ARMCX4: variants seen among roughly 807,000 people sequenced by gnomAD.
The protein encoded by ARMCX4 is armadillo repeat-containing X-linked protein 4.
Under a neutral mutation model 34.7 loss-of-function variants are expected in ARMCX4, and 3 were observed. The observed-to-expected ratio is 0.09, with a 90% CI of 0.04 to 0.22. ARMCX4 has a LOEUF of 0.22. Ranked by LOEUF, ARMCX4 falls within the 10% of genes least tolerant of loss-of-function variation. The pLI is 1.00. For synonymous variants in ARMCX4, 513 were observed against 632.8 expected, an observed-to-expected ratio of 0.81 and a Z score of 2.84; for missense variants, 1,448 against 1,720.8, an observed-to-expected ratio of 0.84 and a Z score of 2.81.
intron 7 of ARMCX4, among the ~76,000 whole-genome samples, chrX:101,504,439 GT>G (rs1556014616): frequency 5.4e-5 from 6 of 110,216 alleles, no homozygotes; most frequent in African/African-American, 2.0e-4. Context: ...AAGTTTGTGT[GT>G]GTGTGTGTGT....
chrX:101,422,907 T>G (rs781839948), intron 2 of ARMCX4, among the ~76,000 whole-genome samples: 1 of 111,223 alleles, frequency 9.0e-6, no homozygotes, highest in South Asian at 3.8e-4. Context: ...ATTTTTATTT[T>G]ATTTATATAT....
intron 4 of ARMCX4, among the ~76,000 whole-genome samples, chrX:101,478,837 A>G (rs1446147966): frequency 8.9e-6 from 1 of 111,878 alleles, no homozygotes; most frequent in Non-Finnish European, 1.9e-5. Flanking sequence ...TAAATTATAA[A>G]TAGAGTGAAA....
downstream of ARMCX4, among the ~76,000 whole-genome samples, chrX:101,448,088 T>C (rs1931755680): frequency 8.9e-6 from 1 of 111,748 alleles, no homozygotes; most frequent in African/African-American, 3.3e-5. Flanking sequence ...AGTGAGAACA[T>C]GCGATATTTG....
chrX:101,443,130 CA>C (rs141804967), intron 2 of ARMCX4, among the ~76,000 whole-genome samples: 279 of 49,725 alleles, frequency 5.6e-3, no homozygotes, highest in African/African-American at 0.017. Flanking sequence ...GACTCCGTCT[CA>C]AAAAAAAAAA....
chrX:101,475,386 G>A (rs782009691), intron 4 of ARMCX4, among the ~76,000 whole-genome samples: 2 of 111,187 alleles, frequency 1.8e-5, no homozygotes, highest in East Asian at 5.6e-4. Context: ...CAAAAGTTGG[G>A]GGGGTGTAAT....
intron 7 of ARMCX4, among the ~76,000 whole-genome samples, chrX:101,502,510 G>A (rs2147689891): frequency 8.9e-6 from 1 of 111,793 alleles, no homozygotes; most frequent in Admixed American, 9.5e-5. Context: ...AAAGTGCTGG[G>A]ATTAGAGGCA....
chrX:101,431,828 C>A (rs782804683), intron 2 of ARMCX4, among the ~76,000 whole-genome samples: 1 of 112,532 alleles, frequency 8.9e-6, no homozygotes, highest in African/African-American at 3.2e-5. Flanking sequence ...TAGGCGTGAG[C>A]CACCACGCCT....
intron 4 of ARMCX4, among the ~76,000 whole-genome samples, chrX:101,478,507 G>A (rs1016229671): frequency 2.7e-5 from 3 of 111,841 alleles, no homozygotes; most frequent in Non-Finnish European, 3.8e-5. Flanking sequence ...TTCCAATGAC[G>A]TAAACTTCAA....
chrX:101,527,758 A>G (rs782358640), intron 11 of ARMCX4, among the ~76,000 whole-genome samples: 28 of 111,932 alleles, frequency 2.5e-4, no homozygotes, highest in African/African-American at 7.8e-4. Context: ...CTCGACACAT[A>G]CACCCTTCCA....
intron 11 of ARMCX4, among the ~76,000 whole-genome samples, chrX:101,517,875 A>G (rs1367121373): frequency 2.7e-5 from 3 of 111,489 alleles, no homozygotes; most frequent in African/African-American, 9.8e-5. Flanking sequence ...GAAATAATAG[A>G]AAGAAATTTC....
At position 101,495,518 on chromosome X, in the gene ARMCX4, G is replaced by A; in HGVS notation, c.*56G>A. On this transcript the variant is annotated 3_prime_UTR_variant, in exon 6 of 6. Coordinates refer to ENST00000423738, the MANE Select transcript of ARMCX4 (RefSeq NM_001256155.3). The stretch of plus-strand genomic sequence containing the variant: ...AATATTTTGGTTTTGCACTCTGGAA[G>A]TAATGCACATTGTAAATTGCATTAT... The A allele has an allele frequency of 1.9e-6, 2 of 1,053,242 alleles. No individual in the cohort carries two copies. Among genetic ancestry groups the A allele is most frequent in the Non-Finnish European group, 2.5e-6 (2 of 815,399 alleles). 86.8% of individuals were successfully genotyped at this position (1,053,242 alleles called of 1,213,427 possible).
At chrX:101,471,632 C>T (rs1556003028) in intron 4 of ARMCX4, among the ~76,000 whole-genome samples, 1 of 111,886 alleles carries the variant, frequency 8.9e-6, no homozygotes, top group East Asian at 2.8e-4. Flanking sequence ...ACTGCCTCTT[C>T]AAGTGGGTCC....
At chrX:101,463,876 C>T (rs1409743314) in intron 4 of ARMCX4, among the ~76,000 whole-genome samples, 1 of 110,415 alleles carries the variant, frequency 9.1e-6, no homozygotes, top group Non-Finnish European at 1.9e-5. Context: ...ACCTCAGCCA[C>T]CCAAGTAGCT....
downstream of ARMCX4, among the ~76,000 whole-genome samples, chrX:101,451,969 T>C (rs1373372361): frequency 8.9e-6 from 1 of 112,080 alleles, no homozygotes; most frequent in East Asian, 2.8e-4. Context: ...ATCGTTTATA[T>C]AGATAAGGTT....
Position 101,485,497 on chromosome X carries a change from C to T in ARMCX4, c.-470C>T, listed in dbSNP as rs939331993. Reference sequence around the variant, plus strand: ...CAGCTCCCCGCTGCCCTGCGCTCGGCGGGCTGGCATCGGGCCCGGGGAAAG... The same window carrying T: ...CAGCTCCCCGCTGCCCTGCGCTCGGTGGGCTGGCATCGGGCCCGGGGAAAG... On this transcript the variant is annotated 5_prime_UTR_variant, in exon 1 of 6. Coordinates refer to ENST00000423738, the MANE Select transcript of ARMCX4 (RefSeq NM_001256155.3). The T allele has an allele frequency of 3.7e-4, 257 of 693,448 alleles. No individual in the cohort carries two copies. The highest frequency in any genetic ancestry group is 8.4e-4 in the Middle Eastern group (1 of 1,187). 57.1% of individuals were successfully genotyped at this position (693,448 alleles called of 1,213,427 possible).
At chrX:101,499,220 C>A (rs375247723), downstream of ARMCX4, 47 of 111,145 alleles carry the variant, frequency 4.2e-4, no homozygotes, top group African/African-American at 1.5e-3. Flanking sequence ...GATTTAATAC[C>A]CTGGAGAAAA....
At chrX:101,475,469 G>T (rs186765156) in intron 4 of ARMCX4, among the ~76,000 whole-genome samples, 2 of 111,247 alleles carry the variant, frequency 1.8e-5, no homozygotes, top group Non-Finnish European at 3.8e-5. Context: ...GGCAGTGGGC[G>T]GCGGGGAGGG....
chrX:101,473,027 T>G (rs1182194807), intron 4 of ARMCX4, among the ~76,000 whole-genome samples: 6 of 110,567 alleles, frequency 5.4e-5, no homozygotes, highest in African/African-American at 1.3e-4. Context: ...TGGATAAAGA[T>G]TCAAGACCCG....
At chrX:101,446,384 G>C (rs1156950125), downstream of ARMCX4, among the ~76,000 whole-genome samples, 1 of 110,771 alleles carries the variant, frequency 9.0e-6, no homozygotes, top group Non-Finnish European at 1.9e-5. Context: ...TAGACATGTG[G>C]TATGTACTGT....
Sources: gnomAD v4.1 joint callset for allele counts (sites outside exome capture counted in the v4.1 genomes callset) on GRCh38, gnomAD v4.1.1 for gene constraint, MANE v1.5 for transcripts, NCBI Gene and HGNC (gene_info 2026-07-23, HGNC 2026-07-21) for gene names.